The following DMBT1 variants were observed in gnomAD, a reference collection of about 807,000 sequenced individuals.
DMBT1 encodes scavenger receptor cysteine-rich domain-containing protein DMBT1.
A neutral mutation model predicts 252.9 loss-of-function variants in DMBT1; 198 were observed. The observed-to-expected ratio is 0.78, with a 90% CI of 0.70 to 0.88. DMBT1 has a LOEUF of 0.88. Ranked by LOEUF, DMBT1 falls within the 40% of genes least tolerant of loss-of-function variation. The pLI is 0.00. For synonymous variants in DMBT1, 990 were observed against 942.7 expected (o/e 1.05, Z -0.92); for missense variants, 2,432 against 2,404.7 (o/e 1.01, Z -0.24).
chr10:122,632,854 T>G lies in DMBT1; in HGVS notation c.6368-7T>G. On this transcript the variant is annotated splice_polypyrimidine_tract_variant and splice_region_variant and intron_variant, in intron 50 of 55. Coordinates refer to ENST00000338354, the MANE Select transcript of DMBT1 (RefSeq NM_001377530.1). ...AACTGATCCTGATCTTTTCTTTTTG[T>G]CAACAGCTCCTTTTCTCAACATCAC... 2 of 1,613,778 alleles carry G rather than the reference T, an allele frequency of 1.2e-6. No individual in the cohort carries two copies. The highest frequency in any genetic ancestry group is 1.7e-6 in the Non-Finnish European group (2 of 1,179,832).
intron 45 of DMBT1, 31 bp downstream of exon 45, chr10:122,625,334 T>G: frequency 1.2e-6 from 2 of 1,600,196 alleles, no homozygotes; most frequent in Non-Finnish European, 1.7e-6. Context: ...TCCAGCAATA[T>G]TTCTCTTGGG....
chr10:122,620,928 A>G (rs1233844796), intron 43 of DMBT1, 129 bp from the exon 44 acceptor site: 29 of 1,492,216 alleles, frequency 1.9e-5, no homozygotes, highest in Non-Finnish European at 2.0e-5. Context: ...CTCTGTCTGT[A>G]TTCATATTCA....
In DMBT1 at chr10:122,600,086, T is replaced by C. The variant is rs368426889; in HGVS notation, c.3303T>C (p.Pro1101=). The change falls in exon 27 of 56, where the codon CCT becomes CCC. Residue 1101 remains proline (P), a synonymous_variant. Transcript: ENST00000338354. ...CAGCTTCCCAGTCCCGGCCAACACC[T>C]AGTCCAGGTGGGTCCCCAGTGTCCT... ...ICSASQSRPT[P]SPDTWPTSHA... 203 of 1,605,778 alleles carry C rather than the reference T, an allele frequency of 1.3e-4. 17 individuals are homozygous for C. Among genetic ancestry groups the C allele is most frequent in the African/African-American group, 1.2e-3 (86 of 72,810 alleles).
In DMBT1 at chr10:122,632,905, C is replaced by T; in HGVS notation, c.6397+15C>T. On this transcript the variant is annotated intron_variant, in intron 51 of 55. Coordinates refer to ENST00000338354, the MANE Select transcript of DMBT1 (RefSeq NM_001377530.1). ...CCGTCCAAACAGTAAGTTCTGAGCT[C>T]CCTGACAAGTCTGTGGCAGAGTGGC... The T allele has an allele frequency of 6.2e-7, 1 of 1,613,832 alleles. No homozygotes were observed. Among genetic ancestry groups the T allele is most frequent in the East Asian group, 2.2e-5 (1 of 44,872 alleles).
At chr10:122,632,550 C>A (rs2098173961) in intron 50 of DMBT1, among the ~76,000 whole-genome samples, 2 of 152,126 alleles carry the variant, frequency 1.3e-5, no homozygotes, top group Non-Finnish European at 2.9e-5. Flanking sequence ...GCCTGGGACA[C>A]CCCGTTTCTA....
Position 122,618,259 on chromosome 10 carries a change from T to C in DMBT1, c.5134T>C (p.Ser1712Pro). 2.5e-6 allele frequency: 4 copies of C among 1,613,620 alleles called. No homozygotes were observed. The highest frequency in any genetic ancestry group is 3.4e-6 in the Non-Finnish European group (4 of 1,179,714). The change falls in exon 41 of 56, where the codon TCT becomes CCT. Residue 1712 changes from serine to proline, a missense_variant. Coordinates refer to ENST00000338354, the MANE Select transcript of DMBT1 (RefSeq NM_001377530.1). ...LDDVRCSGHESYLWSCPHNGW... is the reference protein window; with the variant it reads ...LDDVRCSGHEPYLWSCPHNGW... ...TGATGTGCGCTGCTCAGGACACGAG[T>C]CTTACCTGTGGAGCTGCCCCCACAA...
intron 45 of DMBT1, among the ~76,000 whole-genome samples, chr10:122,625,595 A>G (rs574366510): frequency 5.2e-5 from 8 of 152,388 alleles, no homozygotes; most frequent in Admixed American, 3.3e-4. Flanking sequence ...AGATGAAAAT[A>G]ACTGTCTAAA....
intron 55 of DMBT1, among the ~76,000 whole-genome samples, chr10:122,641,451 C>T (rs949293194): frequency 6.6e-6 from 1 of 152,176 alleles, no homozygotes; most frequent in African/African-American, 2.4e-5. Flanking sequence ...TCGACACCCT[C>T]TTGATATGCT....
At chr10:122,568,102 G>A (rs532981794) in intron 2 of DMBT1, among the ~76,000 whole-genome samples, 5 of 152,282 alleles carry the variant, frequency 3.3e-5, no homozygotes, top group African/African-American at 1.2e-4. Flanking sequence ...CAGTGAAATG[G>A]CAGTGGGAAC....
At chr10:122,636,561 C>G (rs1191062913) in intron 53 of DMBT1, among the ~76,000 whole-genome samples, 1 of 152,178 alleles carries the variant, frequency 6.6e-6, no homozygotes, top group African/African-American at 2.4e-5. Context: ...TGGCCATGGC[C>G]TGAGACCTAA....
intron 46 of DMBT1, 136 bp from the exon 47 acceptor site, chr10:122,629,689 AGGCCCAAGAGAGGGG>A (rs1307708976): frequency 7.7e-6 from 7 of 903,592 alleles, no homozygotes; most frequent in Non-Finnish European, 1.2e-5. Context: ...ACCTAGAACC[AGGCCCAAGAGAGGGG>A]ACTTGTTTAC....
chr10:122,568,190 C>G (rs1347660112), intron 2 of DMBT1, among the ~76,000 whole-genome samples: 1 of 152,004 alleles, frequency 6.6e-6, no homozygotes, highest in Non-Finnish European at 1.5e-5. Flanking sequence ...TGCCCTTATT[C>G]CCAGCATGGT....
chr10:122,627,037 T>A (rs1221468657), intron 46 of DMBT1, among the ~76,000 whole-genome samples: 2 of 152,060 alleles, frequency 1.3e-5, no homozygotes, highest in African/African-American at 4.8e-5. Flanking sequence ...CAGGGCCTTG[T>A]GGGTGGGTTA....
Position 122,640,018 on chromosome 10 carries a change from C to A in DMBT1, c.6943-22C>A, listed in dbSNP as rs1844243852. On this transcript the variant is annotated intron_variant, in intron 54 of 55. Coordinates refer to ENST00000338354, the MANE Select transcript of DMBT1 (RefSeq NM_001377530.1). ...AGCAGGTGACATGTGCCTGACTCTG[C>A]TCTCTTGCCTGCCTCTCCTAGGCAG... The A allele has an allele frequency of 1.9e-6, 3 of 1,605,566 alleles. No homozygotes were observed. In the Admixed American group the frequency reaches 5.0e-5, roughly 27 times the overall value.
intron 28 of DMBT1, 77 bp from the exon 29 acceptor site, chr10:122,601,713 TTGCCCAC>T: frequency 1.1e-6 from 1 of 882,646 alleles, no homozygotes; most frequent in South Asian, 1.9e-5. Context: ...CTTGACTACT[TTGCCCAC>T]TGCCCTGATT....
chr10:122,619,013 T>C (rs573739988), intron 41 of DMBT1, among the ~76,000 whole-genome samples: 57 of 152,348 alleles, frequency 3.7e-4, no homozygotes, highest in African/African-American at 1.3e-3. Context: ...TCCTCAGCCT[T>C]GCTGACTCAG....
At chr10:122,626,036 C>A in intron 46 of DMBT1, 71 bp downstream of exon 46, 4 of 1,315,862 alleles carry the variant, frequency 3.0e-6, no homozygotes, top group Non-Finnish European at 4.4e-6. Flanking sequence ...TATCCATGAG[C>A]GAATGCTCTG....
At chr10:122,636,834 A>C (rs1361893674) in intron 53 of DMBT1, among the ~76,000 whole-genome samples, 1 of 152,256 alleles carries the variant, frequency 6.6e-6, no homozygotes, top group Admixed American at 6.5e-5. Context: ...TTTACTTTAT[A>C]GATAAATGGT....
At chr10:122,567,792 A>G (rs1178091139) in intron 2 of DMBT1, among the ~76,000 whole-genome samples, 3 of 152,166 alleles carry the variant, frequency 2.0e-5, no homozygotes, top group African/African-American at 7.2e-5. Context: ...AGCCCCTCCC[A>G]GGAGAGGAGG....
Sources: allele counts gnomAD v4.1 joint callset (sites outside exome capture counted in the v4.1 genomes callset), GRCh38; gene constraint gnomAD v4.1.1; transcripts MANE v1.5; gene names NCBI Gene and HGNC (gene_info 2026-07-23, HGNC 2026-07-21).